The following TBC1D22A variants were observed in gnomAD, a reference collection of about 807,000 sequenced individuals.
TBC1D22A encodes the protein TBC1 domain family member 22A.
TBC1D22A carries 38 observed loss-of-function variants against 60.2 expected under a neutral mutation model. The ratio of observed to expected loss-of-function variants is 0.63; its 90% CI spans 0.49 to 0.83. TBC1D22A has a LOEUF of 0.83. Among genes scored for constraint, TBC1D22A ranks in the 40% least tolerant of loss-of-function variants. The pLI is 0.00. For synonymous variants in TBC1D22A, 302 were observed against 281.7 expected, an observed-to-expected ratio of 1.07 and a Z score of -0.72; for missense variants, 628 against 701.0, an observed-to-expected ratio of 0.90 and a Z score of 1.18.
chr22:46,833,434 C>T (rs757803698), intron 4 of TBC1D22A, among the ~76,000 whole-genome samples: 21 of 152,182 alleles, frequency 1.4e-4, no homozygotes, highest in African/African-American at 1.9e-4. Flanking sequence ...CATGGCCGGC[C>T]GGCTCCTTGC....
At chr22:46,922,657 T>G (rs1343855662) in intron 8 of TBC1D22A, among the ~76,000 whole-genome samples, 1 of 152,216 alleles carries the variant, frequency 6.6e-6, no homozygotes, top group East Asian at 1.9e-4. Flanking sequence ...GTTACCTGGT[T>G]AGCTGTATTT....
intron 10 of TBC1D22A, among the ~76,000 whole-genome samples, chr22:47,021,442 A>T (rs60924001): frequency 0.036 from 5,379 of 147,474 alleles, 172 homozygotes; most frequent in African/African-American, 0.13. Flanking sequence ...ACCTAGCAGA[A>T]CCTCACCTGT....
At chr22:47,041,063 G>A (rs1233002821) in intron 11 of TBC1D22A, among the ~76,000 whole-genome samples, 7 of 152,146 alleles carry the variant, frequency 4.6e-5, no homozygotes, top group African/African-American at 7.2e-5. Flanking sequence ...CACACTTTAC[G>A]TTTCCTATCC....
At chr22:47,165,973 C>G (rs1219584038) in intron 12 of TBC1D22A, among the ~76,000 whole-genome samples, 1 of 152,240 alleles carries the variant, frequency 6.6e-6, no homozygotes, top group Non-Finnish European at 1.5e-5. Flanking sequence ...TCATCTTTCT[C>G]TGTTAGGGGA....
intron 11 of TBC1D22A, among the ~76,000 whole-genome samples, chr22:47,046,303 G>A (rs898145195): frequency 5.3e-5 from 8 of 152,218 alleles, no homozygotes; most frequent in African/African-American, 1.9e-4. Context: ...CCTCTGAGAT[G>A]TGCTGCTTTG....
rs1043013568 is a variant in TBC1D22A, at chr22:47,148,904, G to A, written c.1426-24594G>A. ...CTGGCTGTGCTCCCGCCTAGCCACA[G>A]CTTCCCATGTGTCCCTTCATGCAGG... On this transcript the variant is annotated intron_variant, in intron 12 of 12. Coordinates refer to ENST00000337137, the MANE Select transcript of TBC1D22A (RefSeq NM_014346.5). 2.0e-5 allele frequency among the ~76,000 whole-genome samples: 3 copies of A among 149,044 alleles called. No homozygotes were observed. The East Asian group carries it at 5.8e-4, about 29-fold the overall frequency.
chr22:46,878,079 CTT>C (rs1248556299), intron 4 of TBC1D22A, among the ~76,000 whole-genome samples: 2 of 151,992 alleles, frequency 1.3e-5, no homozygotes, highest in Admixed American at 6.6e-5. Flanking sequence ...ACCTTGAAGA[CTT>C]TGTTGTCTGT....
At chr22:47,141,678 G>A (rs1326106104) in intron 12 of TBC1D22A, among the ~76,000 whole-genome samples, 1 of 152,192 alleles carries the variant, frequency 6.6e-6, no homozygotes, top group African/African-American at 2.4e-5. Flanking sequence ...AATGAGATTT[G>A]AGCCACACGC....
chr22:47,004,169 C>T (rs976600549), intron 10 of TBC1D22A, among the ~76,000 whole-genome samples: 2 of 149,790 alleles, frequency 1.3e-5, no homozygotes, highest in African/African-American at 2.5e-5. Flanking sequence ...TACACACACC[C>T]CTGCACACAT....
intron 10 of TBC1D22A, among the ~76,000 whole-genome samples, chr22:47,005,442 T>TAC (rs1395354600): frequency 6.6e-6 from 1 of 151,506 alleles, no homozygotes; most frequent in Admixed American, 6.6e-5. Flanking sequence ...CACACCCTTA[T>TAC]ACACACATGC....
Position 46,874,440 on chromosome 22 carries a change from C to A in TBC1D22A, c.638-4213C>A, listed in dbSNP as rs1215821651. Among the ~76,000 whole-genome samples, 4 of 151,922 alleles carry A rather than the reference C, an allele frequency of 2.6e-5. No individual in the cohort carries two copies. The South Asian group carries it at 8.3e-4, about 32-fold the overall frequency. ...TTCCTTTTTCTCCATAACCTCACCACCATTAATAATCACAATTCTGACTGA... is the reference window on the plus strand; with the variant it reads ...TTCCTTTTTCTCCATAACCTCACCAACATTAATAATCACAATTCTGACTGA... On this transcript the variant is annotated intron_variant, in intron 4 of 12. Transcript: ENST00000337137.
intron 11 of TBC1D22A, among the ~76,000 whole-genome samples, chr22:47,042,224 C>A (rs982108098): frequency 1.3e-5 from 2 of 152,210 alleles, no homozygotes; most frequent in Non-Finnish European, 2.9e-5. Flanking sequence ...AGGCACCGTG[C>A]GAATGGGGTT....
intron 5 of TBC1D22A, among the ~76,000 whole-genome samples, chr22:46,883,824 C>G (rs2147532630): frequency 6.6e-6 from 1 of 152,352 alleles, no homozygotes; most frequent in Non-Finnish European, 1.5e-5. Flanking sequence ...CCCTAGCCAA[C>G]CCGGACACAT....
intron 1 of TBC1D22A, among the ~76,000 whole-genome samples, chr22:46,765,610 C>T (rs801639): frequency 0.64 from 96,465 of 151,068 alleles, 30,943 homozygotes; most frequent in Middle Eastern, 0.82. Context: ...GGATTACAGG[C>T]GCCCACCAGC....
At chr22:46,871,305 C>T (rs1021668595) in intron 4 of TBC1D22A, among the ~76,000 whole-genome samples, 2 of 152,158 alleles carry the variant, frequency 1.3e-5, no homozygotes, top group Non-Finnish European at 2.9e-5. Flanking sequence ...ATTGATACAA[C>T]AGGTAAATTA....
chr22:46,854,122 G>A lies in TBC1D22A; in HGVS notation c.638-24531G>A, dbSNP rs535318372. On this transcript the variant is annotated intron_variant, in intron 4 of 12. Coordinates refer to ENST00000337137, the MANE Select transcript of TBC1D22A (RefSeq NM_014346.5). ...TGGTTGGGACTCTGCCTGTCTTTCCGCACCTCTGAGCCTCATTGCCCAGTG... is the reference window on the plus strand; with the variant it reads ...TGGTTGGGACTCTGCCTGTCTTTCCACACCTCTGAGCCTCATTGCCCAGTG... Among the ~76,000 whole-genome samples, 4 of 152,206 alleles carry A rather than the reference G, an allele frequency of 2.6e-5. No individual in the cohort carries two copies. The South Asian group carries it at 6.2e-4, about 24-fold the overall frequency.
intron 10 of TBC1D22A, among the ~76,000 whole-genome samples, chr22:47,023,238 A>G (rs945002082): frequency 6.6e-6 from 1 of 152,260 alleles, no homozygotes; most frequent in African/African-American, 2.4e-5. Context: ...AATGAAAAGC[A>G]TACTGTGTGG....
chr22:47,134,901 G>A (rs2066806050), intron 12 of TBC1D22A, among the ~76,000 whole-genome samples: 1 of 152,188 alleles, frequency 6.6e-6, no homozygotes, highest in Non-Finnish European at 1.5e-5. Flanking sequence ...CTGATACAGA[G>A]TTTCCCTGCC....
At chr22:47,105,269 T>A (rs1329841649) in intron 11 of TBC1D22A, among the ~76,000 whole-genome samples, 1 of 152,178 alleles carries the variant, frequency 6.6e-6, no homozygotes, top group Non-Finnish European at 1.5e-5. Context: ...AGCCTCCTCT[T>A]TCCGGTGGTG....
Sources: gnomAD v4.1 joint callset for allele counts (sites outside exome capture counted in the v4.1 genomes callset) on GRCh38, gnomAD v4.1.1 for gene constraint, MANE v1.5 for transcripts, NCBI Gene and HGNC (gene_info 2026-07-23, HGNC 2026-07-21) for gene names.